The following MAP2 variants were observed in gnomAD, a reference collection of about 807,000 sequenced individuals.
The protein encoded by MAP2 is microtubule associated protein 2, also known as microtubule-associated protein 2.
MAP2 carries 14 observed loss-of-function variants against 137.6 expected under a neutral mutation model. That is an observed-to-expected ratio of 0.10 (90% CI 0.07 to 0.16). The LOEUF is 0.16. Among genes scored for constraint, MAP2 ranks in the 10% least tolerant of loss-of-function variants. MAP2 has a pLI of 1.00. For missense variants in MAP2, 2,088 were observed against 2,191.5 expected (o/e 0.95, Z 0.94); for synonymous variants, 786 against 782.3 (o/e 1.00, Z -0.08).
At chr2:209,684,576 C>T (rs974174158) in intron 7 of MAP2, 5 of 152,254 alleles carry the variant, frequency 3.3e-5, no homozygotes, top group Non-Finnish European at 4.4e-5. Context: ...TACATTAGCC[C>T]AGTGTAAATT....
intron 3 of MAP2, among the ~76,000 whole-genome samples, chr2:209,598,467 C>CT: frequency 6.7e-6 from 1 of 149,584 alleles, no homozygotes; most frequent in Non-Finnish European, 1.5e-5. Context: ...TATTATTATA[C>CT]TTTAAGTTTT....
intron 5 of MAP2, among the ~76,000 whole-genome samples, chr2:209,669,367 A>G (rs970229771): frequency 1.3e-5 from 2 of 152,082 alleles, no homozygotes; most frequent in East Asian, 1.9e-4. Flanking sequence ...CATCTAGGTC[A>G]CAAGGCTTCC....
intron 1 of MAP2, among the ~76,000 whole-genome samples, chr2:209,452,746 G>C (rs1363415354): frequency 1.3e-5 from 2 of 152,104 alleles, no homozygotes; most frequent in Non-Finnish European, 2.9e-5. Context: ...CTCAGTACCA[G>C]CCAACGGTTC....
At chr2:209,565,547 A>G (rs2073210914) in intron 2 of MAP2, among the ~76,000 whole-genome samples, 1 of 152,148 alleles carries the variant, frequency 6.6e-6, no homozygotes, top group African/African-American at 2.4e-5. Context: ...TACAGATTGA[A>G]TTATATCTGT....
Position 209,725,807 on chromosome 2 carries a change from T to G in MAP2, c.5155+17T>G. The stretch of plus-strand genomic sequence containing the variant: ...ACAGGCCAGGTAAATAAATAATTTT[T>G]AGTAGTTTGAGAAATATTTAACTGG... On this transcript the variant is annotated intron_variant, in intron 14 of 15. Coordinates refer to ENST00000682079, the MANE Select transcript of MAP2 (RefSeq NM_001375505.1). The G allele has an allele frequency of 6.5e-7, 1 of 1,538,410 alleles. No individual in the cohort carries two copies. Among genetic ancestry groups the G allele is most frequent in the Non-Finnish European group, 8.8e-7 (1 of 1,137,692 alleles).
intron 10 of MAP2, among the ~76,000 whole-genome samples, chr2:209,698,007 AT>A (rs35758041): frequency 0.75 from 108,457 of 144,732 alleles, 43,227 homozygotes; most frequent in Non-Finnish European, 0.89. Flanking sequence ...CACCCAGCTA[AT>A]TTTTTTTTTT....
chr2:209,651,977 G>A (rs905667174), intron 4 of MAP2, among the ~76,000 whole-genome samples: 4 of 152,082 alleles, frequency 2.6e-5, no homozygotes, highest in Admixed American at 1.3e-4. Flanking sequence ...CTTTTTTGGA[G>A]GCCTTTGCTT....
Position 209,731,602 on chromosome 2 carries a change from C to T in MAP2, c.*1205C>T, listed in dbSNP as rs569457250. 2 of 152,350 alleles carry T rather than the reference C, an allele frequency of 1.3e-5. No homozygotes were observed. The highest frequency in any genetic ancestry group is 4.1e-4 in the South Asian group (2 of 4,824). 9.4% of individuals were successfully genotyped at this position (152,350 alleles called of 1,614,324 possible). A position where few individuals can be genotyped will look rare whatever the true frequency, so the allele number is the denominator to read the frequency against. ...TTATTCCTATTATTATTCATGAAAC[C>T]GACTTAAGATTTTTTCTTTATTTTT... On this transcript the variant is annotated 3_prime_UTR_variant, in exon 16 of 16. Coordinates refer to ENST00000682079, the MANE Select transcript of MAP2 (RefSeq NM_001375505.1).
intron 4 of MAP2, among the ~76,000 whole-genome samples, chr2:209,637,497 AGAT>A (rs2093663757): frequency 6.6e-6 from 1 of 152,034 alleles, no homozygotes; most frequent in Non-Finnish European, 1.5e-5. Context: ...AAATAAGGTA[AGAT>A]GAGATAAGAT....
At chr2:209,584,956 C>A (rs2077343877) in intron 3 of MAP2, among the ~76,000 whole-genome samples, 1 of 152,034 alleles carries the variant, frequency 6.6e-6, no homozygotes, top group Admixed American at 6.6e-5. Context: ...TTTATTGTAT[C>A]TCTAGTCGCT....
intron 2 of MAP2, among the ~76,000 whole-genome samples, chr2:209,540,602 G>C (rs757009746): frequency 9.3e-5 from 10 of 107,946 alleles, no homozygotes; most frequent in Admixed American, 2.7e-4. Context: ...TTGCACTCCA[G>C]CCTGCGTGAC....
At chr2:209,678,720 C>A in intron 6 of MAP2, 35 bp downstream of exon 6, 2 of 1,231,068 alleles carry the variant, frequency 1.6e-6, no homozygotes, top group Non-Finnish European at 2.3e-6. Context: ...GGGACTGTGT[C>A]TGTTGCACCC....
chr2:209,648,788 C>CAAAA (rs767514301), intron 4 of MAP2, among the ~76,000 whole-genome samples: 1 of 80,516 alleles, frequency 1.2e-5, no homozygotes, highest in African/African-American at 4.5e-5. Flanking sequence ...GACTCCGTCT[C>CAAAA]AAAAAAAAAA....
chr2:209,552,838 G>C (rs1420567555), intron 2 of MAP2, among the ~76,000 whole-genome samples: 1 of 151,740 alleles, frequency 6.6e-6, no homozygotes, highest in Non-Finnish European at 1.5e-5. Flanking sequence ...TCCAGCTTGG[G>C]CAACAGAGCA....
In MAP2 at chr2:209,705,605, A is replaced by T; in HGVS notation, c.4610A>T (p.Lys1537Met). The T allele has an allele frequency of 6.2e-7, 1 of 1,611,698 alleles. No homozygotes were observed. Among genetic ancestry groups the T allele is most frequent in the Non-Finnish European group, 8.5e-7 (1 of 1,178,698 alleles). The change falls in exon 12 of 16, where the codon AAG (lysine) becomes ATG (methionine). Residue 1537 changes from lysine (K) to methionine (M), a missense_variant. Physicochemically the swap from Lys to Met is moderately conservative, Grantham distance 95. Around this residue, in one of 6 missense-constraint regions of MAP2, gnomAD observed 591 missense variants for 642.6 expected, o/e 0.92. Coordinates refer to ENST00000682079, the MANE Select transcript of MAP2 (RefSeq NM_001375505.1). ...GACGGAGTAACCAAGAGCCCAGAAA[A>T]GCGCTCTTCTCTCCCAAGACCTTCC... ...VSDGVTKSPEKRSSLPRPSSI... is the reference protein window; with the variant it reads ...VSDGVTKSPEMRSSLPRPSSI...
chr2:209,504,390 G>A (rs184259359), intron 1 of MAP2, among the ~76,000 whole-genome samples: 11 of 152,332 alleles, frequency 7.2e-5, no homozygotes, highest in African/African-American at 2.6e-4. Context: ...ATGCTGATTT[G>A]TGTTAAAGAG....
At chr2:209,476,908 C>T (rs1707386159) in intron 1 of MAP2, among the ~76,000 whole-genome samples, 1 of 152,002 alleles carries the variant, frequency 6.6e-6, no homozygotes, top group Non-Finnish European at 1.5e-5. Flanking sequence ...AAGGCAATTC[C>T]TTTTTCCTGT....
At chr2:209,434,073 C>G (rs1695054129) in intron 1 of MAP2, among the ~76,000 whole-genome samples, 1 of 151,976 alleles carries the variant, frequency 6.6e-6, no homozygotes, top group Admixed American at 6.6e-5. Flanking sequence ...GGTAAATGAG[C>G]GGATCCAGTT....
At chr2:209,515,775 A>G (rs1416650120) in intron 2 of MAP2, among the ~76,000 whole-genome samples, 2 of 151,950 alleles carry the variant, frequency 1.3e-5, no homozygotes, top group Non-Finnish European at 1.5e-5. Context: ...ACCAGAAACA[A>G]TTTTTATTTT....
Sources: gnomAD v4.1 joint callset for allele counts (sites outside exome capture counted in the v4.1 genomes callset) on GRCh38, gnomAD v4.1.1 for gene constraint, gnomAD v4.1.1 regional missense constraint, MANE v1.5 for transcripts, NCBI Gene and HGNC (gene_info 2026-07-23, HGNC 2026-07-21) for gene names.